Variants in AKT3 observed in about 807,000 individuals in gnomAD.
AKT3 encodes RAC-gamma serine/threonine-protein kinase.
A neutral mutation model predicts 65.3 loss-of-function variants in AKT3; 15 were observed. That is an observed-to-expected ratio of 0.23 (90% CI 0.15 to 0.35). The LOEUF (loss-of-function observed/expected upper bound fraction) is 0.35, where lower values mean the gene tolerates loss of function less well. Ranked by LOEUF, AKT3 falls within the 10% of genes least tolerant of loss-of-function variation. The probability of loss-of-function intolerance (pLI) is 1.00; values close to 1 mark genes in which losing one functional copy is unlikely to be tolerated. For missense variants in AKT3, 243 were observed against 576.5 expected, an observed-to-expected ratio of 0.42 and a Z score of 5.92; for synonymous variants, 206 against 183.8, an observed-to-expected ratio of 1.12 and a Z score of -0.98.
chr1:243,775,129 T>C (rs979937482), intron 2 of AKT3, among the ~76,000 whole-genome samples: 47 of 152,162 alleles, frequency 3.1e-4, no homozygotes, highest in African/African-American at 1.1e-3. Context: ...TCCCAGAGTG[T>C]TGGCATTACA....
intron 3 of AKT3, among the ~76,000 whole-genome samples, chr1:243,669,318 G>T (rs1352415351): frequency 6.6e-6 from 1 of 152,156 alleles, no homozygotes; most frequent in African/African-American, 2.4e-5. Flanking sequence ...GGCTTTAAAC[G>T]TAAAGAATGG....
At chr1:243,767,623 G>C (rs968391054) in intron 2 of AKT3, among the ~76,000 whole-genome samples, 3 of 151,880 alleles carry the variant, frequency 2.0e-5, no homozygotes, top group Non-Finnish European at 4.4e-5. Flanking sequence ...TATATTTTTT[G>C]AAAGATTTGT....
intron 8 of AKT3, among the ~76,000 whole-genome samples, chr1:243,593,409 GA>G (rs1438950920): frequency 1.3e-5 from 2 of 152,250 alleles, no homozygotes; most frequent in Non-Finnish European, 2.9e-5. Context: ...AAACTAAAAA[GA>G]AAGCCGGGCA....
At chr1:243,630,339 T>C (rs1485237370) in intron 6 of AKT3, among the ~76,000 whole-genome samples, 1 of 152,206 alleles carries the variant, frequency 6.6e-6, no homozygotes, top group Non-Finnish European at 1.5e-5. Flanking sequence ...TGAGACTCTA[T>C]GCATAATCCA....
chr1:243,500,502 A>AGAT lies in AKT3; in HGVS notation c.*4744_*4746dup, dbSNP rs1417645857. 7 of 226,596 alleles carry AGAT rather than the reference A, an allele frequency of 3.1e-5. No individual in the cohort carries two copies. The Middle Eastern group carries it at 5.2e-3, about 169-fold the overall frequency. The allele number at this position is 226,596 out of a possible 1,614,324, so 14.0% of individuals were successfully genotyped here. A position where few individuals can be genotyped will look rare whatever the true frequency, so the allele number is the denominator to read the frequency against. On this transcript the variant is annotated 3_prime_UTR_variant, in exon 14 of 14. Coordinates refer to ENST00000673466, the MANE Select transcript of AKT3 (RefSeq NM_005465.7). ...TAGAGTATATCAAATATCTGTACAC[A>AGAT]GATAATTATTTGTCTAAAATAGTAT...
intron 4 of AKT3, among the ~76,000 whole-genome samples, chr1:243,648,619 T>C (rs1681031982): frequency 6.6e-6 from 1 of 152,300 alleles, no homozygotes; most frequent in South Asian, 2.1e-4. Context: ...TCCCTTCTCA[T>C]TATTTTCTCA....
intron 1 of AKT3, among the ~76,000 whole-genome samples, chr1:243,844,398 A>C (rs1572446116): frequency 6.6e-6 from 1 of 152,268 alleles, no homozygotes; most frequent in Admixed American, 6.5e-5. Flanking sequence ...CTTGGGAAAG[A>C]TACGTCACAA....
chr1:243,645,081 A>G (rs1680703792), intron 5 of AKT3, among the ~76,000 whole-genome samples: 1 of 152,194 alleles, frequency 6.6e-6, no homozygotes, highest in African/African-American at 2.4e-5. Context: ...AACGTGGAAA[A>G]GGGAGGATAT....
chr1:243,706,192 T>C (rs1298194140), intron 2 of AKT3, among the ~76,000 whole-genome samples: 1 of 152,124 alleles, frequency 6.6e-6, no homozygotes, highest in Non-Finnish European at 1.5e-5. Context: ...AATGACTAAA[T>C]AAACCTACCA....
chr1:243,725,246 A>C (rs1456856203), intron 2 of AKT3, among the ~76,000 whole-genome samples: 1 of 152,112 alleles, frequency 6.6e-6, no homozygotes, highest in Non-Finnish European at 1.5e-5. Flanking sequence ...AAGGGCAGTA[A>C]GAAAAGTTCT....
At chr1:243,583,195 TACAC>T (rs59711065) in intron 8 of AKT3, among the ~76,000 whole-genome samples, 30 of 88,232 alleles carry the variant, frequency 3.4e-4, no homozygotes, top group African/African-American at 1.4e-3. Context: ...TATATATATA[TACAC>T]ACACACACAC....
At chr1:243,653,584 G>C (rs1639515888) in intron 4 of AKT3, among the ~76,000 whole-genome samples, 1 of 152,170 alleles carries the variant, frequency 6.6e-6, no homozygotes, top group Admixed American at 6.5e-5. Context: ...TGCCACTTTT[G>C]AGTGTAGTGT....
chr1:243,587,423 C>T (rs1038986107), intron 8 of AKT3, among the ~76,000 whole-genome samples: 1 of 152,106 alleles, frequency 6.6e-6, no homozygotes, highest in African/African-American at 2.4e-5. Flanking sequence ...CCAGCCCTGG[C>T]AACACAGCGA....
chr1:243,673,944 C>T (rs1391100911), intron 3 of AKT3, among the ~76,000 whole-genome samples: 2 of 152,092 alleles, frequency 1.3e-5, no homozygotes, highest in African/African-American at 4.8e-5. Flanking sequence ...ATATTTGAAA[C>T]ATGATGAAAC....
At chr1:243,667,489 C>G (rs1682877694) in intron 3 of AKT3, among the ~76,000 whole-genome samples, 2 of 152,118 alleles carry the variant, frequency 1.3e-5, no homozygotes, top group South Asian at 4.1e-4. Context: ...CACATTCACT[C>G]CTCCTGCAAA....
intron 4 of AKT3, among the ~76,000 whole-genome samples, chr1:243,650,374 A>G (rs570256627): frequency 1.3e-5 from 2 of 152,146 alleles, no homozygotes; most frequent in African/African-American, 4.8e-5. Context: ...CTCTCTGATG[A>G]TAGTTTCTTT....
chr1:243,811,559 A>G (rs970401990), intron 2 of AKT3, among the ~76,000 whole-genome samples: 2 of 152,184 alleles, frequency 1.3e-5, no homozygotes, highest in Non-Finnish European at 2.9e-5. Flanking sequence ...ATGCTCATGG[A>G]TAGGAAGAAT....
At chr1:243,494,662 A>C (rs1271455076) in intron 13 of AKT3, among the ~76,000 whole-genome samples, 2 of 152,256 alleles carry the variant, frequency 1.3e-5, no homozygotes, top group African/African-American at 4.8e-5. Flanking sequence ...TCCAAGAGTG[A>C]GTACTTTCAG....
At chr1:243,850,534 A>AC (rs903692587), upstream of AKT3, among the ~76,000 whole-genome samples, 29 of 146,058 alleles carry the variant, frequency 2.0e-4, 1 homozygote, top group Admixed American at 4.0e-4. Context: ...CGCTGAGGGG[A>AC]CCCCCCGCCG....
Sources: allele counts gnomAD v4.1 joint callset (sites outside exome capture counted in the v4.1 genomes callset), GRCh38; gene constraint gnomAD v4.1.1; transcripts MANE v1.5; gene names NCBI Gene and HGNC (gene_info 2026-07-23, HGNC 2026-07-21).